Variants in GNG4 observed in about 807,000 individuals in gnomAD.
GNG4 encodes guanine nucleotide-binding protein G(I)/G(S)/G(O) subunit gamma-4.
GNG4 carries 4 observed loss-of-function variants against 5.8 expected under a neutral mutation model. That is an observed-to-expected ratio of 0.69 (90% CI 0.34 to 1.57). The LOEUF is 1.57. GNG4 is among the 40% of genes most tolerant of loss of function. The pLI is 0.06. For missense variants in GNG4, 96 were observed against 95.1 expected, an observed-to-expected ratio of 1.01 and a Z score of -0.04; for synonymous variants, 29 against 32.9, an observed-to-expected ratio of 0.88 and a Z score of 0.41.
intron 1 of GNG4, among the ~76,000 whole-genome samples, 176 bp from the exon 2 acceptor site, chr1:235,595,687 A>G (rs1173359752): frequency 1.3e-5 from 2 of 152,110 alleles, no homozygotes; most frequent in African/African-American, 4.8e-5. Context: ...GCAGACAGAG[A>G]ACCCTCAGAT....
At chr1:235,625,452 T>C (rs927192701) in intron 1 of GNG4, among the ~76,000 whole-genome samples, 4 of 152,140 alleles carry the variant, frequency 2.6e-5, no homozygotes, top group Admixed American at 2.6e-4. Context: ...CTAAAGTCCA[T>C]AGTTTACAAT....
At chr1:235,627,206 T>C (rs1035821166) in intron 1 of GNG4, among the ~76,000 whole-genome samples, 1 of 151,746 alleles carries the variant, frequency 6.6e-6, no homozygotes, top group Non-Finnish European at 1.5e-5. Flanking sequence ...CCCCATGACA[T>C]AGTTTTTTGT....
rs1686651580 is a variant in GNG4 at position 235,548,652 on chromosome 1, T to G, written c.*3457A>C. On this transcript the variant is annotated 3_prime_UTR_variant, in exon 4 of 4. Coordinates refer to ENST00000391854, the MANE Select transcript of GNG4 (RefSeq NM_001098722.2). ...GCCTGAGAGACAGGAAATACTTCCC[T>G]TCTTCAGCTTCCACGGTGGGTACTG... is the stretch of plus-strand genomic sequence containing the variant. 1 of 152,256 alleles carries G rather than the reference T, an allele frequency of 6.6e-6. No homozygotes were observed. The highest frequency in any genetic ancestry group is 2.4e-5 in the African/African-American group (1 of 41,446). 9.4% of individuals were successfully genotyped at this position (152,256 alleles called of 1,614,324 possible). A position where few individuals can be genotyped will look rare whatever the true frequency, so the allele number is the denominator to read the frequency against.
At chr1:235,598,270 T>C (rs1352153844) in intron 1 of GNG4, among the ~76,000 whole-genome samples, 1 of 152,182 alleles carries the variant, frequency 6.6e-6, no homozygotes, top group African/African-American at 2.4e-5. Context: ...CAACCAGAGC[T>C]TCTCAGACTT....
intron 2 of GNG4, among the ~76,000 whole-genome samples, chr1:235,595,079 A>C (rs1314424402): frequency 6.6e-6 from 1 of 152,190 alleles, no homozygotes; most frequent in Non-Finnish European, 1.5e-5. Context: ...ACAGGGAAGC[A>C]CACAGCACGG....
chr1:235,631,476 A>G (rs1035724872), intron 1 of GNG4, among the ~76,000 whole-genome samples: 3 of 152,204 alleles, frequency 2.0e-5, no homozygotes, highest in African/African-American at 7.2e-5. Flanking sequence ...GTGGGCATTG[A>G]TGCTCTGAGC....
chr1:235,587,115 G>A (rs116131501), intron 2 of GNG4, among the ~76,000 whole-genome samples: 332 of 151,798 alleles, frequency 2.2e-3, no homozygotes, highest in African/African-American at 7.6e-3. Context: ...CTGTGTGTGA[G>A]GGAGTCTGTG....
intron 2 of GNG4, among the ~76,000 whole-genome samples, chr1:235,588,597 C>T (rs1327289975): frequency 7.0e-6 from 1 of 143,024 alleles, no homozygotes; most frequent in Non-Finnish European, 1.5e-5. Flanking sequence ...GCTGGAGAGA[C>T]CCCCCCCACT....
intron 3 of GNG4, among the ~76,000 whole-genome samples, chr1:235,566,418 G>C (rs1251320202): frequency 6.6e-6 from 1 of 152,212 alleles, no homozygotes; most frequent in Non-Finnish European, 1.5e-5. Flanking sequence ...TGCTCCTTAT[G>C]AGAACCTAAT....
intron 2 of GNG4, among the ~76,000 whole-genome samples, chr1:235,586,442 G>A (rs1687762108): frequency 6.6e-6 from 1 of 152,108 alleles, no homozygotes; most frequent in Non-Finnish European, 1.5e-5. Flanking sequence ...TGAGGGAGGA[G>A]ACACAGTCTA....
intron 2 of GNG4, among the ~76,000 whole-genome samples, chr1:235,590,037 C>T (rs1256901036): frequency 1.3e-5 from 2 of 152,180 alleles, no homozygotes; most frequent in Admixed American, 6.5e-5. Flanking sequence ...GTAATGTCCA[C>T]GTCTCTGGCG....
chr1:235,570,962 CT>C lies in GNG4; in HGVS notation c.99+12777del, dbSNP rs544210922. Among the ~76,000 whole-genome samples the C allele has an allele frequency of 6.9e-3, 715 of 103,974 alleles. 8 individuals carry two copies. The highest frequency in any genetic ancestry group is 0.025 in the African/African-American group (649 of 25,834). 68.2% of individuals were successfully genotyped at this position (103,974 alleles called of 152,430 possible). A position where few individuals can be genotyped will look rare whatever the true frequency, so the allele number is the denominator to read the frequency against. On this transcript the variant is annotated intron_variant, in intron 3 of 3. Transcript: ENST00000391854. ...CACACACACATATATATATACATAC[CT>C]TTTTTTTTTTTTTTTTTTGAAGAGA...
intron 3 of GNG4, among the ~76,000 whole-genome samples, chr1:235,570,811 T>A (rs1055990163): frequency 6.6e-6 from 1 of 151,682 alleles, no homozygotes; most frequent in Non-Finnish European, 1.5e-5. Flanking sequence ...TCCTCCCACA[T>A]CAGCCTCTAG....
chr1:235,586,087 G>T (rs758605717), intron 2 of GNG4, among the ~76,000 whole-genome samples: 4 of 152,146 alleles, frequency 2.6e-5, no homozygotes, highest in Non-Finnish European at 5.9e-5. Context: ...TTTGTCCAAA[G>T]GCAGTTTTTG....
chr1:235,605,572 G>A (rs745405530), intron 1 of GNG4, among the ~76,000 whole-genome samples: 12 of 152,156 alleles, frequency 7.9e-5, no homozygotes, highest in African/African-American at 1.2e-4. Flanking sequence ...AAAGGGTAGA[G>A]GGGCCAAGAA....
intron 1 of GNG4, chr1:235,616,086 T>C: frequency 2.4e-6 from 1 of 410,442 alleles, no homozygotes; most frequent in African/African-American, 2.1e-5. Context: ...GACTTTGTCA[T>C]CCTGCTTAGC....
chr1:235,597,610 G>A (rs1446828527), intron 1 of GNG4, among the ~76,000 whole-genome samples: 5 of 108,572 alleles, frequency 4.6e-5, no homozygotes, highest in African/African-American at 1.4e-4. Context: ...GTGTGTGTGT[G>A]TGTGTGTGTG....
chr1:235,615,081 A>G (rs1257076165), intron 1 of GNG4: 1 of 152,310 alleles, frequency 6.6e-6, no homozygotes, highest in East Asian at 1.9e-4. Flanking sequence ...CAGGAGAACG[A>G]GAGAATGCAT....
intron 3 of GNG4, among the ~76,000 whole-genome samples, chr1:235,562,607 T>C (rs988096628): frequency 7.5e-6 from 1 of 133,542 alleles, no homozygotes; most frequent in Non-Finnish European, 1.5e-5. Context: ...ATGGCACCAC[T>C]GCACTCCAGC....
Sources: gnomAD v4.1 joint callset for allele counts (sites outside exome capture counted in the v4.1 genomes callset) on GRCh38, gnomAD v4.1.1 for gene constraint, MANE v1.5 for transcripts, NCBI Gene and HGNC (gene_info 2026-07-23, HGNC 2026-07-21) for gene names.